SOX5: variants seen among roughly 807,000 people sequenced by gnomAD.
The protein encoded by SOX5 is transcription factor SOX-5.
A neutral mutation model predicts 92.0 loss-of-function variants in SOX5; 9 were observed. That is an observed-to-expected ratio of 0.10 (90% CI 0.06 to 0.17). The LOEUF (loss-of-function observed/expected upper bound fraction) is 0.17. Ranked by LOEUF, SOX5 falls within the 10% of genes least tolerant of loss-of-function variation. SOX5 has a pLI of 1.00. For missense variants in SOX5, 642 were observed against 944.5 expected (o/e 0.68, Z 4.20); for synonymous variants, 344 against 336.3 (o/e 1.02, Z -0.25).
intron 1 of SOX5, among the ~76,000 whole-genome samples, chr12:24,468,212 C>T (rs945886978): frequency 6.6e-6 from 1 of 152,184 alleles, no homozygotes; most frequent in Non-Finnish European, 1.5e-5. Context: ...TGGATTTCAG[C>T]ATGGGCTCCA....
intron 3 of SOX5, among the ~76,000 whole-genome samples, chr12:23,792,571 C>T (rs540776507): frequency 8.0e-6 from 1 of 124,986 alleles, no homozygotes; most frequent in Admixed American, 1.1e-4. Context: ...TGCAGTGAGC[C>T]GAGATCTTAC....
At chr12:24,176,065 T>C (rs1300421979) in intron 4 of SOX5, among the ~76,000 whole-genome samples, 1 of 152,114 alleles carries the variant, frequency 6.6e-6, no homozygotes, top group Non-Finnish European at 1.5e-5. Context: ...GTACAGTGAC[T>C]CACACCTGTA....
chr12:24,553,118 CCTAA>C (rs1953374912), intron 1 of SOX5, among the ~76,000 whole-genome samples: 1 of 152,206 alleles, frequency 6.6e-6, no homozygotes, highest in African/African-American at 2.4e-5. Flanking sequence ...ATCTCTTCCT[CCTAA>C]CTGTCTCGTG....
intron 1 of SOX5, among the ~76,000 whole-genome samples, chr12:24,462,013 C>T (rs149192061): frequency 0.01 from 1,575 of 152,268 alleles, 27 homozygotes; most frequent in African/African-American, 0.035. Flanking sequence ...TCTTACCGCA[C>T]AGGATTATCT....
At chr12:24,530,930 G>T (rs920237180) in intron 1 of SOX5, among the ~76,000 whole-genome samples, 1 of 152,128 alleles carries the variant, frequency 6.6e-6, no homozygotes, top group African/African-American at 2.4e-5. Flanking sequence ...ACTCTGAAAT[G>T]AATATCATAT....
intron 3 of SOX5, among the ~76,000 whole-genome samples, chr12:24,220,297 C>T (rs1406662883): frequency 6.6e-6 from 1 of 151,194 alleles, no homozygotes. Flanking sequence ...AATTTTCTTC[C>T]AAAACATTAA....
At chr12:24,017,751 T>G (rs1438843317) in intron 4 of SOX5, among the ~76,000 whole-genome samples, 1 of 152,194 alleles carries the variant, frequency 6.6e-6, no homozygotes, top group Non-Finnish European at 1.5e-5. Context: ...TTCACTCATT[T>G]TCATAGCTGT....
At position 23,576,275 on chromosome 12, in the gene SOX5, T is replaced by C. The variant is rs143536491; in HGVS notation, c.1165-437A>G. Reference sequence around the variant, plus strand: ...CTAGGCAGAGCACCTGGAACACCCATGATGGAGGACCACAGATAGTTGTGT... The same window carrying C: ...CTAGGCAGAGCACCTGGAACACCCACGATGGAGGACCACAGATAGTTGTGT... On this transcript the variant is annotated intron_variant, in intron 9 of 14. Transcript: ENST00000451604. Among the ~76,000 whole-genome samples the C allele has an allele frequency of 1.3e-3, 195 of 152,248 alleles. 3 individuals are homozygous for C. Among genetic ancestry groups the C allele is most frequent in the African/African-American group, 4.5e-3 (189 of 41,554 alleles).
chr12:24,428,224 A>AT (rs1966890424), intron 1 of SOX5, among the ~76,000 whole-genome samples: 1 of 152,034 alleles, frequency 6.6e-6, no homozygotes, highest in African/African-American at 2.4e-5. Flanking sequence ...AAAAAAAAAA[A>AT]AACCTGAGTT....
chr12:24,210,862 A>G (rs1379364332), intron 4 of SOX5, among the ~76,000 whole-genome samples: 6 of 152,174 alleles, frequency 3.9e-5, no homozygotes, highest in Non-Finnish European at 5.9e-5. Context: ...CATAATTTAG[A>G]TTCTGTCTAT....
chr12:23,939,809 T>G (rs897856014), intron 1 of SOX5, among the ~76,000 whole-genome samples: 12 of 151,036 alleles, frequency 7.9e-5, no homozygotes, highest in African/African-American at 1.2e-4. Context: ...AGTTTAACAT[T>G]TCTTTTCTTG....
At chr12:24,226,006 A>G (rs1333534112) in intron 3 of SOX5, among the ~76,000 whole-genome samples, 1 of 152,172 alleles carries the variant, frequency 6.6e-6, no homozygotes, top group Non-Finnish European at 1.5e-5. Context: ...GTAGGAATCA[A>G]TCTCTTAAGT....
At chr12:24,098,308 T>C (rs1945671486) in intron 4 of SOX5, among the ~76,000 whole-genome samples, 1 of 152,198 alleles carries the variant, frequency 6.6e-6, no homozygotes, top group South Asian at 2.1e-4. Context: ...TTTCCTGCTC[T>C]TGGGGTTTCC....
chr12:24,502,394 T>A (rs181296027), intron 1 of SOX5, among the ~76,000 whole-genome samples: 129 of 152,022 alleles, frequency 8.5e-4, no homozygotes, highest in Middle Eastern at 3.4e-3. Flanking sequence ...AACAATTTGA[T>A]CAAAAAAATA....
chr12:24,057,293 AAAG>A (rs1377591821), intron 4 of SOX5, among the ~76,000 whole-genome samples: 39 of 152,144 alleles, frequency 2.6e-4, no homozygotes, highest in African/African-American at 7.7e-4. Context: ...TATTAAGAAA[AAAG>A]AAGGAGCAAA....
chr12:23,993,908 T>C (rs3983419), intron 4 of SOX5, among the ~76,000 whole-genome samples: 3,077 of 132,368 alleles, frequency 0.023, 41 homozygotes, highest in East Asian at 0.048. Flanking sequence ...TGTATGTATG[T>C]ATGTATGCAT....
At chr12:23,915,781 G>T (rs2097408061) in intron 1 of SOX5, among the ~76,000 whole-genome samples, 2 of 152,192 alleles carry the variant, frequency 1.3e-5, no homozygotes, top group South Asian at 4.1e-4. Flanking sequence ...ACATGTTATT[G>T]TAAGATTCAG....
intron 2 of SOX5, among the ~76,000 whole-genome samples, chr12:24,324,895 T>G (rs1196194655): frequency 1.3e-5 from 2 of 152,082 alleles, no homozygotes; most frequent in African/African-American, 4.8e-5. Flanking sequence ...CCTAGAAAAC[T>G]TACTGAATCT....
intron 4 of SOX5, among the ~76,000 whole-genome samples, chr12:24,089,646 C>A (rs1000439986): frequency 6.6e-6 from 1 of 151,978 alleles, no homozygotes; most frequent in Non-Finnish European, 1.5e-5. Flanking sequence ...AGGTGATAAC[C>A]AAACAGCATA....
Sources: allele counts gnomAD v4.1 joint callset (sites outside exome capture counted in the v4.1 genomes callset), GRCh38; gene constraint gnomAD v4.1.1; transcripts MANE v1.5; gene names NCBI Gene and HGNC (gene_info 2026-07-23, HGNC 2026-07-21).